ANK3: variants seen among roughly 807,000 people sequenced by gnomAD.
ANK3 encodes the protein ankyrin 3, also known as ankyrin-3.
Under a neutral mutation model 370.9 loss-of-function variants are expected in ANK3, and 57 were observed. That is an observed-to-expected ratio of 0.15 (90% CI 0.12 to 0.19). The LOEUF is 0.19. Among genes scored for constraint, ANK3 ranks in the 10% least tolerant of loss-of-function variants. The pLI is 1.00. For synonymous variants in ANK3, 1,929 were observed against 1,946.3 expected, an observed-to-expected ratio of 0.99 and a Z score of 0.23; for missense variants, 4,439 against 5,302.1, an observed-to-expected ratio of 0.84 and a Z score of 5.06.
intron 1 of ANK3, among the ~76,000 whole-genome samples, chr10:60,695,505 A>G (rs1454631349): frequency 1.3e-5 from 2 of 152,212 alleles, no homozygotes; most frequent in Admixed American, 1.3e-4. Context: ...TTCGAAGTAA[A>G]GCCCTCCTCA....
At position 60,493,760 on chromosome 10, in the gene ANK3, A is replaced by G. The variant is rs566667148; in HGVS notation, c.96+121426T>C. On this transcript the variant is annotated intron_variant, in intron 2 of 43. Transcript: ENST00000373827. ...TGGGTTGGCTATATAGAGATGTAAG[A>G]ACTATCATTACACATAAAGGTGGTT... Among the ~76,000 whole-genome samples, 7 of 152,190 alleles carry G rather than the reference A, an allele frequency of 4.6e-5. No homozygotes were observed. The South Asian group carries it at 1.5e-3, about 32-fold the overall frequency.
At chr10:60,432,778 T>C (rs1486095819) in intron 2 of ANK3, among the ~76,000 whole-genome samples, 1 of 152,298 alleles carries the variant, frequency 6.6e-6, no homozygotes, top group East Asian at 1.9e-4. Context: ...TATTCTAAGA[T>C]CTTGCAGTAA....
At chr10:60,248,430 T>C (rs59756267) in intron 7 of ANK3, among the ~76,000 whole-genome samples, 3,010 of 152,246 alleles carry the variant, frequency 0.02, 88 homozygotes, top group African/African-American at 0.069. Context: ...TTTCAGAGTT[T>C]CCATAATTCC....
At chr10:60,398,349 T>C (rs79278901) in intron 2 of ANK3, among the ~76,000 whole-genome samples, 13,247 of 152,236 alleles carry the variant, frequency 0.087, 731 homozygotes, top group South Asian at 0.13. Flanking sequence ...ACATTGTTAA[T>C]AACATATCAT....
intron 1 of ANK3, among the ~76,000 whole-genome samples, chr10:60,703,084 T>C (rs528162862): frequency 6.6e-6 from 1 of 152,308 alleles, no homozygotes; most frequent in African/African-American, 2.4e-5. Context: ...TCAGGAGATA[T>C]ATCAACTAAT....
intron 2 of ANK3, among the ~76,000 whole-genome samples, chr10:60,603,340 G>A (rs2078089884): frequency 6.6e-6 from 1 of 152,032 alleles, no homozygotes; most frequent in South Asian, 2.1e-4. Context: ...TGAATGTTTT[G>A]AATCACATTT....
At position 60,541,655 on chromosome 10, in the gene ANK3, C is replaced by T. The variant is rs961031793; in HGVS notation, c.96+73531G>A. Among the ~76,000 whole-genome samples, 10 of 151,874 alleles carry T rather than the reference C, an allele frequency of 6.6e-5. No homozygotes were observed. The South Asian group carries it at 2.1e-3, about 32-fold the overall frequency. On this transcript the variant is annotated intron_variant, in intron 2 of 43. Coordinates refer to the ANK3 transcript ENST00000373827. ...GCTATAAATAGCTTAAGAATAACAC[C>T]CAGACTCTCTAGAGTACTCCTAAAA...
At position 60,171,474 on chromosome 10, in the gene ANK3, G is replaced by A. The variant is rs79918923; in HGVS notation, c.2478+834C>T. On this transcript the variant is annotated intron_variant, in intron 21 of 43. Transcript: ENST00000280772. The stretch of plus-strand genomic sequence containing the variant: ...TTCTCCTTCATGTTGGAAGGTGGTC[G>A]AAGAGAAAAGGGGACAGAGCTGATA... Among the ~76,000 whole-genome samples, 413 of 152,252 alleles carry A rather than the reference G, an allele frequency of 2.7e-3. 1 individual carries two copies. The highest frequency in any genetic ancestry group is 9.4e-3 in the African/African-American group (391 of 41,556).
Position 60,477,418 on chromosome 10 carries a change from C to T in ANK3, c.96+137768G>A, listed in dbSNP as rs930388468. On this transcript the variant is annotated intron_variant, in intron 2 of 43. Coordinates refer to the ANK3 transcript ENST00000373827. The stretch of plus-strand genomic sequence containing the variant: ...ATCACAGAAATTATATTTTTCTGTA[C>T]TCTTGAATTATGTTCTAATTTCTAA... Among the ~76,000 whole-genome samples, 6 of 151,726 alleles carry T rather than the reference C, an allele frequency of 4.0e-5. No individual in the cohort carries two copies. In the East Asian group the frequency reaches 1.2e-3, roughly 29 times the overall value.
chr10:60,399,903 T>C (rs10740027), intron 2 of ANK3, among the ~76,000 whole-genome samples: 114,744 of 152,098 alleles, frequency 0.75, 43,478 homozygotes, highest in South Asian at 0.91. Flanking sequence ...AGTTTCAATA[T>C]CCCTGGGCAT....
At position 60,353,199 on chromosome 10, in the gene ANK3, C is replaced by T. The variant is rs190762022; in HGVS notation, c.114+36226G>A. Among the ~76,000 whole-genome samples, 398 of 142,514 alleles carry T rather than the reference C, an allele frequency of 2.8e-3. 2 individuals carry two copies. Among genetic ancestry groups the T allele is most frequent in the Middle Eastern group, 0.016 (4 of 248 alleles). 93.5% of individuals were successfully genotyped at this position (142,514 alleles called of 152,430 possible). A position where few individuals can be genotyped will look rare whatever the true frequency, so the allele number is the denominator to read the frequency against. On this transcript the variant is annotated intron_variant, in intron 1 of 43. Transcript: ENST00000280772. Reference sequence around the variant, plus strand: ...TTAGAGACTGGGTTTCACTATGTTGCGCAGGCTGGTCTCAAACCCCTGAGC... The same window carrying T: ...TTAGAGACTGGGTTTCACTATGTTGTGCAGGCTGGTCTCAAACCCCTGAGC...
At position 60,070,742 on chromosome 10, in the gene ANK3, T is replaced by C; in HGVS notation, c.10139A>G (p.Asn3380Ser). 1 of 1,614,196 alleles carries C rather than the reference T, an allele frequency of 6.2e-7. No homozygotes were observed. ...EFGLGLDSPQNEIAQNGNNDQ... is the reference protein window; with the variant it reads ...EFGLGLDSPQSEIAQNGNNDQ... Reference sequence around the variant, plus strand: ...GTTGTTCCCATTCTGGGCAATTTCATTCTGAGGTGAATCAAGGCCAAGGCC... The same window carrying C: ...GTTGTTCCCATTCTGGGCAATTTCACTCTGAGGTGAATCAAGGCCAAGGCC... Residue 3380 changes from asparagine (N) to serine (S), a missense_variant, in exon 37 of 44, where the codon AAT (asparagine) becomes AGT (serine). By Grantham distance (46) the Asn-to-Ser change is conservative. Around this residue, in one of 13 missense-constraint regions of ANK3, gnomAD observed 1,601 missense variants for 1,731.7 expected, o/e 0.92. Transcript: ENST00000280772. The surrounding 1 kb of genome is among the most constrained non-coding windows in gnomAD (Gnocchi z 5.7).
chr10:60,425,675 T>C (rs2063870904), intron 2 of ANK3, among the ~76,000 whole-genome samples: 1 of 152,056 alleles, frequency 6.6e-6, no homozygotes, highest in Non-Finnish European at 1.5e-5. Flanking sequence ...AAAAAATACA[T>C]AGCAAATAGA....
At chr10:60,276,571 C>T (rs948009721) in intron 4 of ANK3, among the ~76,000 whole-genome samples, 3 of 152,192 alleles carry the variant, frequency 2.0e-5, no homozygotes, top group African/African-American at 7.2e-5. Context: ...CTGTAAGTAA[C>T]AGGGAATTTC....
chr10:60,102,219 C>T (rs1044343986), intron 28 of ANK3, among the ~76,000 whole-genome samples: 3 of 150,436 alleles, frequency 2.0e-5, no homozygotes, highest in Non-Finnish European at 4.4e-5. Flanking sequence ...ACCCCTATGT[C>T]TTACAGGCCA....
At chr10:60,418,126 C>A (rs1347982281) in intron 2 of ANK3, among the ~76,000 whole-genome samples, 25 of 152,132 alleles carry the variant, frequency 1.6e-4, no homozygotes, top group Admixed American at 1.6e-3. Flanking sequence ...TGGACTATTG[C>A]AGCAGCCTGC....
chr10:60,549,275 T>G (rs1220953930), intron 2 of ANK3, among the ~76,000 whole-genome samples: 1 of 152,128 alleles, frequency 6.6e-6, no homozygotes, highest in East Asian at 1.9e-4. Context: ...GAAATAGGTT[T>G]CAAAAGCTGT....
chr10:60,496,398 G>A (rs1419713825), intron 2 of ANK3, among the ~76,000 whole-genome samples: 2 of 152,158 alleles, frequency 1.3e-5, no homozygotes, highest in African/African-American at 4.8e-5. Flanking sequence ...GAGCAATTAG[G>A]TTGCTTCCAA....
At chr10:60,558,474 G>A (rs1567144526) in intron 2 of ANK3, among the ~76,000 whole-genome samples, 1 of 152,070 alleles carries the variant, frequency 6.6e-6, no homozygotes. Flanking sequence ...ACTACCTCTT[G>A]CTACTATTAC....
Sources: gnomAD v4.1 joint callset for allele counts (sites outside exome capture counted in the v4.1 genomes callset) on GRCh38, gnomAD v4.1.1 for gene constraint, gnomAD v4.1.1 regional missense constraint, Gnocchi (gnomAD v3.1) non-coding constraint, MANE v1.5 for transcripts, NCBI Gene and HGNC (gene_info 2026-07-23, HGNC 2026-07-21) for gene names.